FBXO17: variants seen among roughly 807,000 people sequenced by gnomAD.
The protein encoded by FBXO17 is F-box protein 17.
In FBXO17, 43 loss-of-function variants were observed where a neutral mutation model predicts 34.1. The observed-to-expected ratio is 1.26, with a 90% CI of 0.99 to 1.62. The LOEUF is 1.62. Ranked by LOEUF, FBXO17 falls within the 40% of genes most tolerant of loss-of-function variation. The pLI is 0.00. For missense variants in FBXO17, 424 were observed against 386.7 expected, an observed-to-expected ratio of 1.10 and a Z score of -0.81; for synonymous variants, 169 against 166.0, an observed-to-expected ratio of 1.02 and a Z score of -0.14.
chr19:38,953,607 G>T (rs1975118932), intron 1 of FBXO17, among the ~76,000 whole-genome samples: 2 of 152,112 alleles, frequency 1.3e-5, no homozygotes. Flanking sequence ...GTTGCAATGA[G>T]CTGAGATCGC....
At chr19:38,964,340 T>G (rs925057089) in intron 1 of FBXO17, among the ~76,000 whole-genome samples, 5 of 152,022 alleles carry the variant, frequency 3.3e-5, no homozygotes, top group African/African-American at 1.2e-4. Context: ...TTATTAATTT[T>G]TGTTTGTTTG....
intron 5 of FBXO17, among the ~76,000 whole-genome samples, chr19:38,944,367 T>C (rs1429598850): frequency 6.6e-6 from 1 of 152,000 alleles, no homozygotes; most frequent in Non-Finnish European, 1.5e-5. Context: ...CTCAGCCTCC[T>C]GAGTAGCTGA....
intron 1 of FBXO17, among the ~76,000 whole-genome samples, chr19:38,952,981 C>G (rs912297621): frequency 9.9e-5 from 15 of 152,132 alleles, no homozygotes; most frequent in Non-Finnish European, 2.2e-4. Flanking sequence ...TCTTCCTTAG[C>G]CAGCTTAAAT....
At chr19:38,958,350 G>T (rs1251811385) in intron 1 of FBXO17, among the ~76,000 whole-genome samples, 1 of 145,002 alleles carries the variant, frequency 6.9e-6, no homozygotes, top group African/African-American at 2.5e-5. Flanking sequence ...GGAGATTGTG[G>T]TAAGCTGAGA....
At chr19:38,955,031 C>T (rs943885019) in intron 1 of FBXO17, among the ~76,000 whole-genome samples, 3 of 149,604 alleles carry the variant, frequency 2.0e-5, no homozygotes, top group African/African-American at 4.9e-5. Flanking sequence ...CCTGGGTTCA[C>T]GCCATTCTCC....
At chr19:38,948,174 C>T (rs531657989) in intron 3 of FBXO17, among the ~76,000 whole-genome samples, 96 of 151,954 alleles carry the variant, frequency 6.3e-4, no homozygotes, top group African/African-American at 2.2e-3. Flanking sequence ...CGGGGTTTCC[C>T]CCTGTTGGCC....
intron 1 of FBXO17, among the ~76,000 whole-genome samples, chr19:38,971,521 C>T (rs1315167663): frequency 1.3e-5 from 2 of 152,142 alleles, no homozygotes; most frequent in Non-Finnish European, 2.9e-5. Flanking sequence ...CTGTGGCTCA[C>T]GCTTGTAATC....
chr19:38,962,857 A>G (rs1179618082), intron 1 of FBXO17, among the ~76,000 whole-genome samples: 1 of 151,850 alleles, frequency 6.6e-6, no homozygotes, highest in East Asian at 2.0e-4. Flanking sequence ...AGCTGGGACT[A>G]CAGGCACACG....
chr19:38,942,648 A>T lies in FBXO17; in HGVS notation c.797T>A (p.Val266Glu). ...CCTGACCCTCACACTGGAGTGGGTC[A>T]CAAGGGCGCCATAGTGCCCCACCCA... The part of the protein sequence containing the change: ...SSWVGHYGAL[V>E]THSSVRVRIR... Residue 266 changes from valine to glutamate, a missense_variant, in exon 6 of 6, where the codon GTG becomes GAG. Val to Glu is a moderately radical substitution (Grantham distance 121). Coordinates refer to ENST00000292852, the MANE Select transcript of FBXO17 (RefSeq NM_024907.7). 6.3e-7 allele frequency: 1 copy of T among 1,597,888 alleles called. No homozygotes were observed. Among genetic ancestry groups the T allele is most frequent in the Non-Finnish European group, 8.5e-7 (1 of 1,173,952 alleles).
intron 1 of FBXO17, among the ~76,000 whole-genome samples, chr19:38,954,913 A>C (rs1288201287): frequency 1.6e-4 from 12 of 77,274 alleles, no homozygotes; most frequent in African/African-American, 5.1e-4. Context: ...TATTATTATT[A>C]TTATTATTAT....
In FBXO17 at chr19:38,975,048, G is replaced by A. The variant is rs1399763504; in HGVS notation, c.-18+538C>T. Among the ~76,000 whole-genome samples the A allele has an allele frequency of 6.6e-6, 1 of 152,198 alleles. No individual in the cohort carries two copies. Among genetic ancestry groups the A allele is most frequent in the African/African-American group, 2.4e-5 (1 of 41,444 alleles). On this transcript the variant is annotated intron_variant, in intron 1 of 5. Coordinates refer to ENST00000292852, the MANE Select transcript of FBXO17 (RefSeq NM_024907.7). This position sits in a 1 kb window ranked among gnomAD's most constrained non-coding sequence, Gnocchi z 4.9. The stretch of plus-strand genomic sequence containing the variant: ...GCTTTCGAACATATCACTGAACATT[G>A]CAAAAGTAACTTGGCAGAACAAAAT...
intron 1 of FBXO17, among the ~76,000 whole-genome samples, chr19:38,970,908 C>G (rs1975382550): frequency 6.6e-6 from 1 of 151,940 alleles, no homozygotes; most frequent in Non-Finnish European, 1.5e-5. Flanking sequence ...CGAGACCAGC[C>G]TGGTCAACAT....
Position 38,975,270 on chromosome 19 carries a change from C to T in FBXO17, c.-18+316G>A, listed in dbSNP as rs1975445767. ...CCACGTGTTGGTTTGCAGCGTTTGG[C>T]AGGGGTTTTGGATGGTGGCCTCCGC... On this transcript the variant is annotated intron_variant, in intron 1 of 5. Transcript: ENST00000292852. This position sits in a 1 kb window ranked among gnomAD's most constrained non-coding sequence, Gnocchi z 4.9. 1.3e-5 allele frequency among the ~76,000 whole-genome samples: 2 copies of T among 152,216 alleles called. No homozygotes were observed. Among genetic ancestry groups the T allele is most frequent in the Admixed American group, 6.5e-5 (1 of 15,274 alleles).
At chr19:38,958,428 A>T (rs1198455445) in intron 1 of FBXO17, among the ~76,000 whole-genome samples, 1 of 147,620 alleles carries the variant, frequency 6.8e-6, no homozygotes, top group African/African-American at 2.5e-5. Context: ...AAAAAAAAAA[A>T]GGAAAGAGGA....
intron 1 of FBXO17, among the ~76,000 whole-genome samples, chr19:38,965,030 GCAAA>G (rs1975301474): frequency 1.3e-5 from 2 of 152,046 alleles, no homozygotes; most frequent in South Asian, 4.1e-4. Flanking sequence ...TTAAAAACAA[GCAAA>G]CAAAAAACCA....
intron 2 of FBXO17, 189 bp downstream of exon 2, chr19:38,949,782 T>A (rs1461253720): frequency 1.4e-6 from 1 of 705,384 alleles, no homozygotes; most frequent in Non-Finnish European, 2.2e-6. Flanking sequence ...TCGTTCGGAT[T>A]CCCGGCTTCA....
intron 3 of FBXO17, chr19:38,946,805 G>A: frequency 1.8e-6 from 1 of 559,310 alleles, no homozygotes; most frequent in South Asian, 2.1e-5. Context: ...ATGAAAGCCT[G>A]ACCCTCATCT....
At chr19:38,948,793 C>G (rs1287591611) in intron 2 of FBXO17, 115 bp from the exon 3 acceptor site, 20 of 813,164 alleles carry the variant, frequency 2.5e-5, no homozygotes, top group Non-Finnish European at 3.6e-5. Context: ...CTCCAATCCT[C>G]CCTGGTTTCT....
chr19:38,974,043 TATACACATATATATAC>T (rs1975428264), intron 1 of FBXO17, among the ~76,000 whole-genome samples: 1 of 147,754 alleles, frequency 6.8e-6, no homozygotes, highest in Non-Finnish European at 1.5e-5. Flanking sequence ...CATATATATA[TATACACATATATATAC>T]ACACATATAT....
Sources: gnomAD v4.1 joint callset for allele counts (sites outside exome capture counted in the v4.1 genomes callset) on GRCh38, gnomAD v4.1.1 for gene constraint, Gnocchi (gnomAD v3.1) non-coding constraint, MANE v1.5 for transcripts, NCBI Gene and HGNC (gene_info 2026-07-23, HGNC 2026-07-21) for gene names.